The following AGBL1 variants were observed in gnomAD, a reference collection of about 807,000 sequenced individuals.
AGBL1 encodes AGBL carboxypeptidase 1.
Under a neutral mutation model 118.9 loss-of-function variants are expected in AGBL1, and 130 were observed. The observed-to-expected ratio is 1.09, with a 90% confidence interval of 0.95 to 1.26. AGBL1 has a LOEUF of 1.26. AGBL1 is among the 50% of genes most tolerant of loss of function. The probability of loss-of-function intolerance (pLI) is 0.00; values close to 1 mark genes in which losing one functional copy is unlikely to be tolerated. For synonymous variants in AGBL1, 555 were observed against 478.9 expected (o/e 1.16, Z -2.08); for missense variants, 1,584 against 1,298.1 (o/e 1.22, Z -3.38).
chr15:86,875,710 A>G (rs555957757), intron 22 of AGBL1, among the ~76,000 whole-genome samples: 1 of 152,348 alleles, frequency 6.6e-6, no homozygotes, highest in Middle Eastern at 3.4e-3. Flanking sequence ...TGGATTAAAG[A>G]TACAGATTAC....
chr15:86,785,077 T>C (rs1409110870), intron 22 of AGBL1, among the ~76,000 whole-genome samples: 1 of 152,142 alleles, frequency 6.6e-6, no homozygotes, highest in Non-Finnish European at 1.5e-5. Flanking sequence ...AATGAATTGG[T>C]GTTACTGCAG....
intron 17 of AGBL1, among the ~76,000 whole-genome samples, chr15:86,371,992 T>A: frequency 6.6e-6 from 1 of 152,186 alleles, no homozygotes; most frequent in Non-Finnish European, 1.5e-5. Flanking sequence ...AGACATTTCT[T>A]ATGCTCCTTT....
At chr15:87,025,884 GC>G (rs1246886350) in intron 24 of AGBL1, among the ~76,000 whole-genome samples, 2 of 150,702 alleles carry the variant, frequency 1.3e-5, no homozygotes, top group South Asian at 2.1e-4. Context: ...CTTCAACAAA[GC>G]AAACAAAAAC....
At position 86,209,387 on chromosome 15, in the gene AGBL1, C is replaced by T. The variant is rs570768867; in HGVS notation, c.489-15527C>T. 5.9e-5 allele frequency among the ~76,000 whole-genome samples: 9 copies of T among 152,030 alleles called. No individual in the cohort carries two copies. In the South Asian group the frequency reaches 6.2e-4, roughly 11 times the overall value. On this transcript the variant is annotated intron_variant, in intron 5 of 22. Transcript: ENST00000614907. ...GGATACCCTTGTTAACCTTCTGTCT[C>T]GTTGATCTGTCTAATATTGACAGTG...
intron 5 of AGBL1, among the ~76,000 whole-genome samples, chr15:86,217,934 G>C (rs1424929330): frequency 6.6e-6 from 1 of 152,226 alleles, no homozygotes; most frequent in Non-Finnish European, 1.5e-5. Flanking sequence ...TCTAGTTGCA[G>C]ACTGGAGAAC....
intron 22 of AGBL1, among the ~76,000 whole-genome samples, chr15:86,787,142 CATA>C (rs774831666): frequency 7.9e-5 from 12 of 151,960 alleles, no homozygotes; most frequent in Non-Finnish European, 5.9e-5. Context: ...ATATTTAATA[CATA>C]ATGTTTATAT....
In AGBL1 at chr15:86,314,536, C is replaced by G. The variant is rs1329646107; in HGVS notation, c.2374+19128C>G. ...ACTGGAGAAATTCTATGGCCCCTTC[C>G]TCTATGGTGGGTCTCTTTGCACAGA... On this transcript the variant is annotated intron_variant, in intron 17 of 22. Coordinates refer to ENST00000614907, the MANE Select transcript of AGBL1 (RefSeq NM_001386094.1). Among the ~76,000 whole-genome samples the G allele has an allele frequency of 2.0e-5, 3 of 152,298 alleles. No individual in the cohort carries two copies. The East Asian group carries it at 5.8e-4, about 29-fold the overall frequency.
intron 18 of AGBL1, among the ~76,000 whole-genome samples, chr15:86,490,013 T>C (rs1352055858): frequency 6.6e-6 from 1 of 152,116 alleles, no homozygotes; most frequent in African/African-American, 2.4e-5. Context: ...GGTAAAGGCA[T>C]ACTGGAGTAC....
At chr15:86,272,550 A>G (rs2079178709) in intron 15 of AGBL1, among the ~76,000 whole-genome samples, 1 of 152,218 alleles carries the variant, frequency 6.6e-6, no homozygotes, top group African/African-American at 2.4e-5. Context: ...GACATTCTAG[A>G]GTTTGGGATA....
chr15:86,289,341 T>A (rs2079508117), intron 16 of AGBL1, among the ~76,000 whole-genome samples: 1 of 152,186 alleles, frequency 6.6e-6, no homozygotes, highest in African/African-American at 2.4e-5. Context: ...CTTTCATTTT[T>A]TCATCCTCAG....
chr15:86,994,653 G>C (rs757393220), intron 24 of AGBL1, among the ~76,000 whole-genome samples: 1 of 152,170 alleles, frequency 6.6e-6, no homozygotes, highest in Non-Finnish European at 1.5e-5. Context: ...GAAGAATTCA[G>C]TGAGGTTCAG....
chr15:86,778,194 A>C (rs1427791434), intron 22 of AGBL1, among the ~76,000 whole-genome samples: 1 of 152,170 alleles, frequency 6.6e-6, no homozygotes, highest in Non-Finnish European at 1.5e-5. Context: ...GGTCACAGAG[A>C]TCACGAGCTT....
At chr15:86,579,778 A>C (rs2084148604) in intron 21 of AGBL1, among the ~76,000 whole-genome samples, 1 of 152,134 alleles carries the variant, frequency 6.6e-6, no homozygotes, top group South Asian at 2.1e-4. Context: ...GGTTGGAGGG[A>C]GGGCAGAAAA....
At chr15:86,519,823 G>C (rs60485677) in intron 18 of AGBL1, among the ~76,000 whole-genome samples, 9,988 of 152,180 alleles carry the variant, frequency 0.066, 1,169 homozygotes, top group African/African-American at 0.23. Flanking sequence ...GCTTTCTTAA[G>C]TTCTGTATGT....
chr15:86,790,114 G>T (rs1309703940), intron 22 of AGBL1, among the ~76,000 whole-genome samples: 1 of 152,020 alleles, frequency 6.6e-6, no homozygotes, highest in African/African-American at 2.4e-5. Context: ...TTCTGAAGAA[G>T]GTACACAGAG....
At chr15:86,136,256 C>T (rs1261355571) in intron 1 of AGBL1, among the ~76,000 whole-genome samples, 2 of 152,166 alleles carry the variant, frequency 1.3e-5, no homozygotes, top group Non-Finnish European at 2.9e-5. Context: ...TTTGTTACCC[C>T]CACAATAGAC....
intron 18 of AGBL1, among the ~76,000 whole-genome samples, chr15:86,515,164 T>C (rs1007221371): frequency 6.6e-6 from 1 of 152,222 alleles, no homozygotes; most frequent in Non-Finnish European, 1.5e-5. Flanking sequence ...TCAGATCTTC[T>C]TTACTGATTT....
intron 21 of AGBL1, among the ~76,000 whole-genome samples, chr15:86,646,669 T>G (rs1007636701): frequency 6.6e-6 from 1 of 152,166 alleles, no homozygotes; most frequent in South Asian, 2.1e-4. Flanking sequence ...GAATACTGTA[T>G]GCTTTTATAG....
At chr15:86,204,670 A>G (rs975744196) in intron 5 of AGBL1, among the ~76,000 whole-genome samples, 5 of 151,938 alleles carry the variant, frequency 3.3e-5, no homozygotes, top group Non-Finnish European at 7.4e-5. Context: ...GCTCACTACA[A>G]CCTCTGCTTC....
Sources: gnomAD v4.1 joint callset for allele counts (sites outside exome capture counted in the v4.1 genomes callset) on GRCh38, gnomAD v4.1.1 for gene constraint, MANE v1.5 for transcripts, NCBI Gene and HGNC (gene_info 2026-07-23, HGNC 2026-07-21) for gene names.